Variants in FMN1 observed in about 807,000 individuals in gnomAD.
The protein encoded by FMN1 is formin-1.
A neutral mutation model predicts 132.4 loss-of-function variants in FMN1; 110 were observed. The observed-to-expected ratio is 0.83, with a 90% confidence interval of 0.71 to 0.97. The LOEUF (loss-of-function observed/expected upper bound fraction) is 0.97, where lower values mean the gene tolerates loss of function less well. FMN1 is among the 50% of genes least tolerant of loss of function. The probability of loss-of-function intolerance (pLI) is 0.00; values close to 1 mark genes in which losing one functional copy is unlikely to be tolerated. For synonymous variants in FMN1, 722 were observed against 651.7 expected (o/e 1.11, Z -1.64); for missense variants, 1,792 against 1,705.3 (o/e 1.05, Z -0.90).
At chr15:33,089,491 G>A (rs995147336) in intron 4 of FMN1, among the ~76,000 whole-genome samples, 2 of 152,170 alleles carry the variant, frequency 1.3e-5, no homozygotes, top group South Asian at 4.1e-4. Flanking sequence ...TTTTGGATTC[G>A]CTTTTGTCAT....
rs573689590 is a variant in FMN1, at chr15:32,992,038, C to A, written c.2223+15976G>T. Among the ~76,000 whole-genome samples, 270 of 152,296 alleles carry A rather than the reference C, an allele frequency of 1.8e-3. 1 individual carries two copies. Among genetic ancestry groups the A allele is most frequent in the African/African-American group, 6.2e-3 (259 of 41,572 alleles). The stretch of plus-strand genomic sequence containing the variant: ...GATTCAAGCCCTTTGATCCTGCGTA[C>A]TCACATAAATTCAGAGTCATAAAAC... On this transcript the variant is annotated intron_variant, in intron 7 of 20. Coordinates refer to ENST00000616417, the MANE Select transcript of FMN1 (RefSeq NM_001277313.2).
Position 32,922,673 on chromosome 15 carries a change from T to C in FMN1, c.3226+3501A>G, listed in dbSNP as rs954023735. Among the ~76,000 whole-genome samples, 6 of 152,200 alleles carry C rather than the reference T, an allele frequency of 3.9e-5. No homozygotes were observed. The East Asian group carries it at 7.7e-4, about 20-fold the overall frequency. Reference sequence around the variant, plus strand: ...CAGACTGAAACACACAAAACTGTTATCAAGGTGACAAAGCTGCAATCTCAG... The same window carrying C: ...CAGACTGAAACACACAAAACTGTTACCAAGGTGACAAAGCTGCAATCTCAG... On this transcript the variant is annotated intron_variant, in intron 10 of 20. Transcript: ENST00000616417.
At position 33,153,844 on chromosome 15, in the gene FMN1, G is replaced by A. The variant is rs1368408206; in HGVS notation, c.1071C>T (p.Arg357=). The A allele has an allele frequency of 6.5e-7, 1 of 1,536,598 alleles. No homozygotes were observed. Among genetic ancestry groups the A allele is most frequent in the Non-Finnish European group, 8.7e-7 (1 of 1,147,030 alleles). ...GTACAAACTCAGCGTGGGCTGCTGG[G>A]CGAATGGCAATCGTCTCCTTACCCT... The part of the protein sequence containing the change: ...HSKGKETIAI[R]PAAHAEFVPK... The change falls in exon 4 of 21, where the codon CGC becomes CGT. Residue 357 remains arginine (R), a synonymous_variant. Coordinates refer to ENST00000616417, the MANE Select transcript of FMN1 (RefSeq NM_001277313.2).
At chr15:33,077,593 C>T (rs2038269114) in intron 5 of FMN1, among the ~76,000 whole-genome samples, 1 of 151,696 alleles carries the variant, frequency 6.6e-6, no homozygotes, top group African/African-American at 2.4e-5. Context: ...CAATTCCCAT[C>T]CATGAGTGGG....
At chr15:32,944,975 G>A (rs1037447416) in intron 9 of FMN1, among the ~76,000 whole-genome samples, 23 of 152,250 alleles carry the variant, frequency 1.5e-4, no homozygotes, top group African/African-American at 5.5e-4. Context: ...CCTGCGAACA[G>A]CTTTGATTTT....
intron 4 of FMN1, among the ~76,000 whole-genome samples, chr15:33,146,946 G>A (rs111676765): frequency 0.041 from 6,280 of 152,060 alleles, 433 homozygotes; most frequent in African/African-American, 0.14. Flanking sequence ...AGGTCGAGGC[G>A]GGCAGATCAC....
chr15:32,968,685 T>C (rs1185215045), intron 8 of FMN1, 29 bp downstream of exon 8: 2 of 1,609,998 alleles, frequency 1.2e-6, no homozygotes, highest in Non-Finnish European at 1.7e-6. Flanking sequence ...GGAATTCACA[T>C]GCTGAGAATG....
At chr15:33,059,075 T>C (rs1204336829) in intron 6 of FMN1, among the ~76,000 whole-genome samples, 2 of 152,210 alleles carry the variant, frequency 1.3e-5, no homozygotes, top group African/African-American at 4.8e-5. Context: ...CTGATAACCA[T>C]CATTTTATTC....
chr15:33,008,537 TAAGTA>T (rs1156617323), intron 6 of FMN1, among the ~76,000 whole-genome samples: 1 of 152,180 alleles, frequency 6.6e-6, no homozygotes, highest in African/African-American at 2.4e-5. Context: ...AATGCAAGGC[TAAGTA>T]AGCACCCAGG....
chr15:33,095,201 A>T (rs1190542001), intron 4 of FMN1, among the ~76,000 whole-genome samples: 1 of 151,670 alleles, frequency 6.6e-6, no homozygotes, highest in African/African-American at 2.4e-5. Flanking sequence ...TACAAAAAGT[A>T]ACTGGGTGTG....
chr15:32,798,180 ACACACACACACAC>A lies in FMN1; in HGVS notation c.4130+611_4130+623del, dbSNP rs2057353422. The stretch of plus-strand genomic sequence containing the variant: ...AATTCAATCTCTCTAAGGAAAACGC[ACACACACACACAC>A]ACACACACACACACACACACACACC... On this transcript the variant is annotated intron_variant, in intron 19 of 20. Transcript: ENST00000616417. 4.0e-5 allele frequency among the ~76,000 whole-genome samples: 6 copies of A among 149,068 alleles called. No individual in the cohort carries two copies. In the East Asian group the frequency reaches 7.9e-4, roughly 20 times the overall value.
intron 4 of FMN1, among the ~76,000 whole-genome samples, chr15:33,095,825 T>C (rs2039063049): frequency 6.6e-6 from 1 of 152,126 alleles, no homozygotes. Context: ...TGAAGACATA[T>C]GATGTAATTA....
intron 4 of FMN1, among the ~76,000 whole-genome samples, chr15:33,128,110 AGAG>A (rs989892957): frequency 7.9e-5 from 12 of 152,274 alleles, no homozygotes; most frequent in Non-Finnish European, 1.6e-4. Flanking sequence ...AGAAGAAGGG[AGAG>A]GAGACACCAT....
At chr15:33,079,978 C>G (rs940409747) in intron 5 of FMN1, among the ~76,000 whole-genome samples, 1 of 152,176 alleles carries the variant, frequency 6.6e-6, no homozygotes, top group African/African-American at 2.4e-5. Context: ...GACACATGAT[C>G]TGTCTCTCAT....
intron 16 of FMN1, among the ~76,000 whole-genome samples, chr15:32,876,681 T>C (rs531851805): frequency 6.6e-6 from 1 of 152,346 alleles, no homozygotes; most frequent in East Asian, 1.9e-4. Flanking sequence ...TTGAGAACAA[T>C]TATAAATATC....
At chr15:32,914,606 T>C (rs17228950) in intron 10 of FMN1, among the ~76,000 whole-genome samples, 9,236 of 152,320 alleles carry the variant, frequency 0.061, 302 homozygotes, top group Non-Finnish European at 0.078. Context: ...AAAATTATAT[T>C]ACACACACAA....
At chr15:32,920,107 T>C (rs1014102931) in intron 10 of FMN1, among the ~76,000 whole-genome samples, 2 of 152,204 alleles carry the variant, frequency 1.3e-5, no homozygotes, top group Non-Finnish European at 2.9e-5. Context: ...GCCAGGAGGT[T>C]TCTGGCATCT....
chr15:32,910,210 T>C (rs955235321), intron 11 of FMN1, among the ~76,000 whole-genome samples: 18 of 152,194 alleles, frequency 1.2e-4, no homozygotes, highest in Non-Finnish European at 7.3e-5. Context: ...GTGACAGGAC[T>C]GGGTTCCAGG....
At chr15:33,126,718 C>T (rs1201300296) in intron 4 of FMN1, among the ~76,000 whole-genome samples, 1 of 152,178 alleles carries the variant, frequency 6.6e-6, no homozygotes, top group African/African-American at 2.4e-5. Flanking sequence ...GAGCAATCTA[C>T]GCTACAGGCA....
Sources: allele counts gnomAD v4.1 joint callset (sites outside exome capture counted in the v4.1 genomes callset), GRCh38; gene constraint gnomAD v4.1.1; transcripts MANE v1.5; gene names NCBI Gene and HGNC (gene_info 2026-07-23, HGNC 2026-07-21).